PLPPR4: variants seen among roughly 807,000 people sequenced by gnomAD.
PLPPR4 encodes the protein phospholipid phosphatase related 4.
Under a neutral mutation model 56.6 loss-of-function variants are expected in PLPPR4, and 24 were observed. The observed-to-expected ratio is 0.42, with a 90% CI of 0.31 to 0.60. PLPPR4 has a LOEUF of 0.60. Ranked by LOEUF, PLPPR4 falls within the 20% of genes least tolerant of loss-of-function variation. The pLI is 0.13. For missense variants in PLPPR4, 654 were observed against 885.8 expected, an observed-to-expected ratio of 0.74 and a Z score of 3.32; for synonymous variants, 326 against 328.1, an observed-to-expected ratio of 0.99 and a Z score of 0.07.
At chr1:99,301,223 G>T (rs962577271) in intron 5 of PLPPR4, among the ~76,000 whole-genome samples, 5 of 151,822 alleles carry the variant, frequency 3.3e-5, no homozygotes, top group Non-Finnish European at 7.4e-5. Flanking sequence ...ATACTTCATA[G>T]GAGGATATTG....
Position 99,306,160 on chromosome 1 carries a change from C to G in PLPPR4, c.1298C>G (p.Ser433Ter). ...QSPPRSIEMR[S>*]SSEPSRVGVN... ...CCACCCAGATCCATAGAAATGAGGT[C>G]AAGCTCAGAGCCATCGAGGGTAGGG... The change falls in exon 7 of 7, where the codon TCA becomes TGA. Residue 433 changes from serine to a stop codon, truncating the protein, a stop_gained. Transcript: ENST00000370185. LOFTEE classifies it high-confidence loss of function. The surrounding 1 kb of genome is among the most constrained non-coding windows in gnomAD (Gnocchi z 4.0). 6.2e-7 allele frequency: 1 copy of G among 1,614,092 alleles called. No individual in the cohort carries two copies. The highest frequency in any genetic ancestry group is 8.5e-7 in the Non-Finnish European group (1 of 1,180,014).
At chr1:99,299,010 A>G (rs371947130) in intron 3 of PLPPR4, 25 bp from the exon 4 acceptor site, 1 of 1,559,598 alleles carries the variant, frequency 6.4e-7, no homozygotes, top group Non-Finnish European at 8.8e-7. Flanking sequence ...CAACTTGGTA[A>G]CAATTTCTTT....
At chr1:99,266,585 A>G (rs1658905146) in intron 1 of PLPPR4, among the ~76,000 whole-genome samples, 1 of 152,236 alleles carries the variant, frequency 6.6e-6, no homozygotes, top group Non-Finnish European at 1.5e-5. Flanking sequence ...CAGATTCATT[A>G]CTTTTACTTT....
chr1:99,269,553 T>G (rs1474006206), intron 1 of PLPPR4, among the ~76,000 whole-genome samples: 1 of 152,274 alleles, frequency 6.6e-6, no homozygotes, highest in Non-Finnish European at 1.5e-5. Flanking sequence ...TTAGTCATCC[T>G]GCTCAAAGAT....
chr1:99,280,173 T>C (rs542593653), intron 1 of PLPPR4, among the ~76,000 whole-genome samples: 2 of 152,236 alleles, frequency 1.3e-5, no homozygotes, highest in Admixed American at 6.5e-5. Flanking sequence ...TTGAGTTCCA[T>C]GAGCAAAGAA....
intron 1 of PLPPR4, among the ~76,000 whole-genome samples, chr1:99,283,979 G>T (rs1164127572): frequency 6.6e-6 from 1 of 152,032 alleles, no homozygotes; most frequent in African/African-American, 2.4e-5. Flanking sequence ...AACAAAAAAA[G>T]CTTGGTTCAC....
intron 6 of PLPPR4, among the ~76,000 whole-genome samples, chr1:99,302,515 ATT>A (rs1557783079): frequency 4.7e-5 from 7 of 150,370 alleles, no homozygotes; most frequent in African/African-American, 1.7e-4. Context: ...TTTTTTTATT[ATT>A]ATTATTATTA....
At chr1:99,302,041 C>A in intron 6 of PLPPR4, 144 bp downstream of exon 6, 1 of 491,690 alleles carries the variant, frequency 2.0e-6, no homozygotes. Flanking sequence ...TGCCAAAACA[C>A]ATATCTCACT....
chr1:99,296,748 G>A lies in PLPPR4; in HGVS notation c.275G>A (p.Gly92Glu). ...CTTCTATCTTTGCAGATTATGGTAG[G>A]AGAAGGAATTCTCTACTGTTGCCTC... ...FAGPAITIMV[G>E]EGILYCCLSK... is the part of the protein sequence containing the mutation. Residue 92 changes from glycine to glutamate, a missense_variant, in exon 3 of 7, where the codon GGA (glycine) becomes GAA (glutamate). Transcript: ENST00000370185. 1 of 1,599,210 alleles carries A rather than the reference G, an allele frequency of 6.3e-7. No individual in the cohort carries two copies.
At chr1:99,269,523 G>A (rs898969579) in intron 1 of PLPPR4, among the ~76,000 whole-genome samples, 3 of 152,174 alleles carry the variant, frequency 2.0e-5, no homozygotes, top group African/African-American at 7.2e-5. Flanking sequence ...CTGGGGCTCA[G>A]GCTCACAATT....
chr1:99,270,604 A>G (rs1299378945), intron 1 of PLPPR4, among the ~76,000 whole-genome samples: 2 of 152,230 alleles, frequency 1.3e-5, no homozygotes, highest in Non-Finnish European at 2.9e-5. Flanking sequence ...TGTAGCAAAC[A>G]TTAATTCACA....
chr1:99,306,247 C>T lies in PLPPR4; in HGVS notation c.1385C>T (p.Pro462Leu). 1 of 1,614,142 alleles carries T rather than the reference C, an allele frequency of 6.2e-7. No homozygotes were observed. The highest frequency in any genetic ancestry group is 8.5e-7 in the Non-Finnish European group (1 of 1,180,014). The change falls in exon 7 of 7, where the codon CCC becomes CTC. Residue 462 changes from proline (P) to leucine (L), a missense_variant. Physicochemically the swap from Pro to Leu is moderately conservative, Grantham distance 98. Coordinates refer to ENST00000370185, the MANE Select transcript of PLPPR4 (RefSeq NM_014839.5). This position sits in a 1 kb window ranked among gnomAD's most constrained non-coding sequence, Gnocchi z 4.0. ...QYLKIQPGAV[P>L]GCNNSMPGGP... Reference sequence around the variant, plus strand: ...CTCAAAATCCAGCCTGGCGCTGTCCCCGGATGTAACAACAGCATGCCTGGA... The same window carrying T: ...CTCAAAATCCAGCCTGGCGCTGTCCTCGGATGTAACAACAGCATGCCTGGA...
chr1:99,276,317 A>G (rs1278958584), intron 1 of PLPPR4, among the ~76,000 whole-genome samples: 1 of 152,166 alleles, frequency 6.6e-6, no homozygotes, highest in African/African-American at 2.4e-5. Context: ...TGGATAATTA[A>G]TAGGTCAAAT....
intron 1 of PLPPR4, among the ~76,000 whole-genome samples, chr1:99,285,614 A>G (rs1173339069): frequency 6.6e-6 from 1 of 152,108 alleles, no homozygotes; most frequent in Non-Finnish European, 1.5e-5. Context: ...CTCACTATGT[A>G]TTTCTTTTTT....
At chr1:99,283,909 A>G (rs1476329769) in intron 1 of PLPPR4, among the ~76,000 whole-genome samples, 1 of 151,938 alleles carries the variant, frequency 6.6e-6, no homozygotes, top group African/African-American at 2.4e-5. Flanking sequence ...CCGAAATGGC[A>G]CCCCTGCACT....
intron 6 of PLPPR4, among the ~76,000 whole-genome samples, chr1:99,305,448 T>A (rs1659998020): frequency 6.6e-6 from 1 of 152,180 alleles, no homozygotes; most frequent in Non-Finnish European, 1.5e-5. Context: ...GACAAAAACA[T>A]CCAGTAGGAT....
rs1294510753 is a variant in PLPPR4 at position 99,306,574 on chromosome 1, G to T, written c.1712G>T (p.Gly571Val). Reference sequence around the variant, plus strand: ...ACCTTGACAGACCATGAGCCCAGTGGGATAGTGAGGGTTGAGGCTCACCCA... The same window carrying T: ...ACCTTGACAGACCATGAGCCCAGTGTGATAGTGAGGGTTGAGGCTCACCCA... ...YKTLTDHEPS[G>V]IVRVEAHPEN... Residue 571 changes from glycine (G) to valine (V), a missense_variant, in exon 7 of 7, where the codon GGG (glycine) becomes GTG (valine). Around this residue, in one of 2 missense-constraint regions of PLPPR4, gnomAD observed 468 missense variants for 554.3 expected, o/e 0.84. Coordinates refer to ENST00000370185, the MANE Select transcript of PLPPR4 (RefSeq NM_014839.5). The surrounding 1 kb of genome is among the most constrained non-coding windows in gnomAD (Gnocchi z 4.0). The T allele has an allele frequency of 1.2e-6, 2 of 1,613,956 alleles. No individual in the cohort carries two copies. The highest frequency in any genetic ancestry group is 1.7e-6 in the Non-Finnish European group (2 of 1,180,008).
chr1:99,264,845 T>A (rs1658850539), intron 1 of PLPPR4, among the ~76,000 whole-genome samples, 174 bp downstream of exon 1: 1 of 152,148 alleles, frequency 6.6e-6, no homozygotes, highest in Admixed American at 6.5e-5. Context: ...CGAATGTGCC[T>A]GTGAATACCT....
chr1:99,284,392 T>C (rs550590676), intron 1 of PLPPR4, among the ~76,000 whole-genome samples: 1 of 152,028 alleles, frequency 6.6e-6, no homozygotes, highest in African/African-American at 2.4e-5. Context: ...ACAAACAAAA[T>C]GATGTAAGGA....
Sources: gnomAD v4.1 joint callset for allele counts (sites outside exome capture counted in the v4.1 genomes callset) on GRCh38, gnomAD v4.1.1 for gene constraint, gnomAD v4.1.1 regional missense constraint, Gnocchi (gnomAD v3.1) non-coding constraint, MANE v1.5 for transcripts, NCBI Gene and HGNC (gene_info 2026-07-23, HGNC 2026-07-21) for gene names.